The following S100Z variants were observed in gnomAD, a reference collection of about 807,000 sequenced individuals.
S100Z encodes the protein S100 calcium binding protein Z, also known as protein S100-Z.
A neutral mutation model predicts 8.5 loss-of-function variants in S100Z; 11 were observed. The ratio of observed to expected loss-of-function variants is 1.30; its 90% CI spans 0.82 to 2.15. The LOEUF (loss-of-function observed/expected upper bound fraction) is 2.15. S100Z is among the 30% of genes most tolerant of loss of function. The pLI, the probability that S100Z is intolerant of heterozygous loss-of-function variation, is 0.00. For missense variants in S100Z, 126 were observed against 117.9 expected (o/e 1.07, Z -0.32); for synonymous variants, 34 against 43.8 (o/e 0.78, Z 0.89).
intron 1 of S100Z, among the ~76,000 whole-genome samples, chr5:76,863,842 A>G (rs946202437): frequency 6.6e-6 from 1 of 152,186 alleles, no homozygotes; most frequent in Admixed American, 6.5e-5. Context: ...CCGGCCAATT[A>G]TATTATCTCT....
chr5:76,935,045 G>A, the S100Z span, among the ~76,000 whole-genome samples: 1 of 152,092 alleles, frequency 6.6e-6, no homozygotes, highest in African/African-American at 2.4e-5. Flanking sequence ...ATGTCAATAT[G>A]TATTATGTAT....
At chr5:76,935,337 A>C in the S100Z span, among the ~76,000 whole-genome samples, 1 of 152,234 alleles carries the variant, frequency 6.6e-6, no homozygotes, top group Middle Eastern at 3.2e-3. Context: ...GCAGGTGACA[A>C]TATGGAATTA....
rs143082261 is a variant in S100Z, at chr5:76,903,830, A to G, written c.*3-16887A>G. 2.5e-3 allele frequency among the ~76,000 whole-genome samples: 383 copies of G among 151,784 alleles called. 2 individuals are homozygous for G. The highest frequency in any genetic ancestry group is 8.7e-3 in the African/African-American group (358 of 41,370). The stretch of plus-strand genomic sequence containing the variant: ...AACCTCTGCCTACCAGGTTCAAGCA[A>G]TTCTTTGCCTTGGCCCCCCAAGTAG... On this transcript the variant is annotated intron_variant, in intron 4 of 4. Transcript: ENST00000317593.
chr5:76,874,911 G>A (rs1743125215), intron 2 of S100Z, among the ~76,000 whole-genome samples: 1 of 151,666 alleles, frequency 6.6e-6, no homozygotes, highest in African/African-American at 2.4e-5. Context: ...TTGAGACGGC[G>A]TCTCGCTCTG....
the S100Z span, among the ~76,000 whole-genome samples, chr5:76,949,672 T>G: frequency 2.6e-5 from 4 of 152,314 alleles, no homozygotes; most frequent in Admixed American, 2.0e-4. Flanking sequence ...TGGATGAAAC[T>G]TGAGGACATT....
chr5:76,926,420 A>G (rs769030559), downstream of S100Z, among the ~76,000 whole-genome samples: 2 of 151,090 alleles, frequency 1.3e-5, no homozygotes, highest in Admixed American at 6.6e-5. Context: ...GGCTTTGAGG[A>G]AAAAAAAGAT....
chr5:76,853,461 A>G (rs1262529678), intron 1 of S100Z, among the ~76,000 whole-genome samples: 1 of 152,184 alleles, frequency 6.6e-6, no homozygotes, highest in Non-Finnish European at 1.5e-5. Context: ...TTACTTGCTA[A>G]TATGGTTTGG....
chr5:76,925,346 C>T (rs1043062361), downstream of S100Z, among the ~76,000 whole-genome samples: 2 of 152,134 alleles, frequency 1.3e-5, no homozygotes, highest in African/African-American at 4.8e-5. Flanking sequence ...ATTTCATAGG[C>T]TCACTACCAC....
downstream of S100Z, among the ~76,000 whole-genome samples, chr5:76,923,739 T>C (rs77672281): frequency 0.033 from 5,073 of 152,306 alleles, 293 homozygotes; most frequent in African/African-American, 0.12. Flanking sequence ...CTAATTAATG[T>C]CTGTGGACCG....
At chr5:76,892,942 G>A (rs979201639) in intron 4 of S100Z, among the ~76,000 whole-genome samples, 3 of 152,090 alleles carry the variant, frequency 2.0e-5, no homozygotes, top group Non-Finnish European at 4.4e-5. Flanking sequence ...ATGTACATAG[G>A]GTGAAATTCA....
intron 4 of S100Z, among the ~76,000 whole-genome samples, chr5:76,886,681 A>G (rs1388129652): frequency 1.3e-5 from 2 of 152,182 alleles, no homozygotes; most frequent in African/African-American, 4.8e-5. Flanking sequence ...GCTGAGTCCA[A>G]AAAGAGAGTC....
At chr5:76,895,913 C>T in intron 4 of S100Z, among the ~76,000 whole-genome samples, 1 of 151,836 alleles carries the variant, frequency 6.6e-6, no homozygotes, top group Non-Finnish European at 1.5e-5. Context: ...CAGGCACCCA[C>T]CACCACGCCT....
intron 4 of S100Z, among the ~76,000 whole-genome samples, chr5:76,918,000 T>A (rs1364829928): frequency 1.3e-5 from 2 of 152,078 alleles, no homozygotes; most frequent in Non-Finnish European, 1.5e-5. Context: ...ATCTGTGTAG[T>A]CTTTAGGGTA....
At chr5:76,948,127 A>T in the S100Z span, among the ~76,000 whole-genome samples, 1 of 152,018 alleles carries the variant, frequency 6.6e-6, no homozygotes, top group Non-Finnish European at 1.5e-5. Context: ...GAAGTTCGAA[A>T]CCATCATGGC....
rs564047806 is a variant in S100Z at position 76,902,645 on chromosome 5, T to TG, written c.*3-18072_*3-18071insG. On this transcript the variant is annotated intron_variant, in intron 4 of 4. Transcript: ENST00000317593. Reference sequence around the variant, plus strand: ...GAAGGTGGGTTTTTTTTGTTTTTTTTTTGTTGTTGTTTGTTTTTTTTTCTG... The same window carrying TG: ...GAAGGTGGGTTTTTTTTGTTTTTTTTGTTGTTGTTGTTTGTTTTTTTTTCTG... Among the ~76,000 whole-genome samples, 17 of 151,642 alleles carry TG rather than the reference T, an allele frequency of 1.1e-4. No homozygotes were observed. In the South Asian group the frequency reaches 1.9e-3, roughly 17 times the overall value.
At chr5:76,888,282 A>C (rs1372910382) in intron 4 of S100Z, among the ~76,000 whole-genome samples, 2 of 150,242 alleles carry the variant, frequency 1.3e-5, no homozygotes, top group African/African-American at 4.9e-5. Flanking sequence ...AAAAGGAAAG[A>C]AAGAAATTAT....
intron 4 of S100Z, among the ~76,000 whole-genome samples, chr5:76,913,538 T>C (rs746359312): frequency 5.3e-5 from 8 of 152,204 alleles, no homozygotes; most frequent in Non-Finnish European, 1.0e-4. Context: ...GAACAAGGTT[T>C]TATTAACAGC....
intron 1 of S100Z, among the ~76,000 whole-genome samples, chr5:76,863,619 A>G (rs548332110): frequency 1.3e-5 from 2 of 152,092 alleles, no homozygotes; most frequent in South Asian, 2.1e-4. Context: ...GCTCACTGCA[A>G]GCTCCGCCTC....
chr5:76,856,860 G>A (rs1318506769), intron 1 of S100Z, among the ~76,000 whole-genome samples: 1 of 152,182 alleles, frequency 6.6e-6, no homozygotes, highest in Non-Finnish European at 1.5e-5. Context: ...AACCATCACA[G>A]TAGATGAAAT....
Sources: allele counts gnomAD v4.1 joint callset (sites outside exome capture counted in the v4.1 genomes callset), GRCh38; gene constraint gnomAD v4.1.1; transcripts MANE v1.5; gene names NCBI Gene and HGNC (gene_info 2026-07-23, HGNC 2026-07-21).